PTPRH: variants seen among roughly 807,000 people sequenced by gnomAD.
The protein encoded by PTPRH is receptor-type tyrosine-protein phosphatase H.
PTPRH carries 113 observed loss-of-function variants against 130.2 expected under a neutral mutation model. The ratio of observed to expected loss-of-function variants is 0.87; its 90% CI spans 0.75 to 1.01. The LOEUF (loss-of-function observed/expected upper bound fraction) is 1.01. Ranked by LOEUF, PTPRH falls within the 50% of genes least tolerant of loss-of-function variation. The probability of loss-of-function intolerance (pLI) is 0.00; values close to 1 mark genes in which losing one functional copy is unlikely to be tolerated. For synonymous variants in PTPRH, 556 were observed against 577.9 expected (o/e 0.96, Z 0.54); for missense variants, 1,430 against 1,425.0 (o/e 1.00, Z -0.06).
At chr19:55,183,190 T>C (rs1240038313) in intron 18 of PTPRH, among the ~76,000 whole-genome samples, 1 of 137,884 alleles carries the variant, frequency 7.3e-6, no homozygotes, top group African/African-American at 2.7e-5. Context: ...GGTCAGGAGA[T>C]TGAGACCATC....
chr19:55,183,683 C>T (rs774710660), intron 18 of PTPRH, among the ~76,000 whole-genome samples: 14 of 151,818 alleles, frequency 9.2e-5, no homozygotes, highest in Non-Finnish European at 1.8e-4. Context: ...GAGATCGCAC[C>T]GTTGCACTCC....
intron 7 of PTPRH, 23 bp downstream of exon 7, chr19:55,200,213 G>T: frequency 6.2e-7 from 1 of 1,612,158 alleles, no homozygotes; most frequent in Non-Finnish European, 8.5e-7. Flanking sequence ...CCAAAACAGG[G>T]AGTGGCCGTT....
intron 10 of PTPRH, among the ~76,000 whole-genome samples, chr19:55,195,249 C>T (rs1056772151): frequency 2.6e-5 from 4 of 152,106 alleles, no homozygotes; most frequent in Admixed American, 6.6e-5. Context: ...CGCTTGAACC[C>T]GGGAGGTGGA....
chr19:55,200,084 C>G (rs1279135613), intron 7 of PTPRH, 152 bp downstream of exon 7: 1 of 908,938 alleles, frequency 1.1e-6, no homozygotes, highest in Admixed American at 2.8e-5. Flanking sequence ...AGCCAGCCCC[C>G]AGCTGTGATT....
rs771559024 is a variant in PTPRH, at chr19:55,197,182, T to C, written c.1925A>G (p.Asn642Ser). ...VEALEPGTLY[N>S]FTVWAERNDV... ...ATTCCTCTCTGCCCACACGGTGAAATTGTACAACGTCCCGGGTTCCAGGGC... is the reference window on the plus strand; with the variant it reads ...ATTCCTCTCTGCCCACACGGTGAAACTGTACAACGTCCCGGGTTCCAGGGC... The change falls in exon 9 of 20, where the codon AAT (asparagine) becomes AGT (serine). Residue 642 changes from asparagine to serine, a missense_variant. Asn to Ser is a conservative substitution (Grantham distance 46). Coordinates refer to ENST00000376350, the MANE Select transcript of PTPRH (RefSeq NM_002842.5). The C allele has an allele frequency of 1.7e-5, 27 of 1,614,114 alleles. No individual in the cohort carries two copies. The highest frequency in any genetic ancestry group is 1.9e-5 in the Non-Finnish European group (23 of 1,180,046).
intron 14 of PTPRH, 118 bp from the exon 15 acceptor site, chr19:55,186,658 T>C (rs1373673495): frequency 2.3e-6 from 1 of 436,702 alleles, no homozygotes; most frequent in Non-Finnish European, 2.9e-6. Flanking sequence ...TGGACAAAAG[T>C]CATGCCGAGA....
chr19:55,197,796 A>T (rs1352276737), intron 8 of PTPRH, among the ~76,000 whole-genome samples: 3 of 152,014 alleles, frequency 2.0e-5, no homozygotes, highest in Non-Finnish European at 4.4e-5. Flanking sequence ...TCGAGATCTG[A>T]TCTCTGTATT....
intron 9 of PTPRH, 52 bp from the exon 10 acceptor site, chr19:55,196,840 C>T (rs763896411): frequency 6.4e-7 from 1 of 1,571,770 alleles, no homozygotes; most frequent in South Asian, 1.2e-5. Flanking sequence ...GGCTTTCCAC[C>T]CCCTCCACCC....
In PTPRH at chr19:55,205,449, G is replaced by C. The variant is rs192078523; in HGVS notation, c.496C>G (p.Arg166Gly). ...GTGATGTTAGTGTGTGCTGTGCTTC[G>C]AGTCCCTGCTCTGCCACCATCTCCA... is the stretch of plus-strand genomic sequence containing the variant. ...YTGDGGRAGTRSTAHTNITVD... is the reference protein window; with the variant it reads ...YTGDGGRAGTGSTAHTNITVD... The change falls in exon 4 of 20, where the codon CGA becomes GGA. Residue 166 changes from arginine to glycine, a missense_variant. Transcript: ENST00000376350. The C allele has an allele frequency of 6.2e-7, 1 of 1,614,176 alleles. No homozygotes were observed. Among genetic ancestry groups the C allele is most frequent in the South Asian group, 1.1e-5 (1 of 91,084 alleles).
At position 55,186,324 on chromosome 19, in the gene PTPRH, C is replaced by T; in HGVS notation, c.2679G>A (p.Gln893=). 1.2e-6 allele frequency: 2 copies of T among 1,614,056 alleles called. No homozygotes were observed. Among genetic ancestry groups the T allele is most frequent in the Non-Finnish European group, 1.7e-6 (2 of 1,179,954 alleles). ...CACCCACTGTCTGTGGCAGGGGACC[C>T]TGGGTTGCAATGAACTCCTGGGGGC... ...LWSPQEFIAT[Q]GPLPQTVGDF... The change falls in exon 16 of 20, where the codon CAG becomes CAA. Residue 893 remains glutamine (Q), a synonymous_variant. Transcript: ENST00000376350.
chr19:55,186,571 G>A (rs1207852591), intron 14 of PTPRH, 31 bp from the exon 15 acceptor site: 1 of 1,608,838 alleles, frequency 6.2e-7, no homozygotes, highest in African/African-American at 1.3e-5. Context: ...TAGCCAGGCA[G>A]AGAGACCCAG....
intron 1 of PTPRH, among the ~76,000 whole-genome samples, chr19:55,207,990 C>T (rs373773544): frequency 4.5e-4 from 8 of 17,808 alleles, no homozygotes; most frequent in African/African-American, 1.4e-3. Flanking sequence ...GGGGTCTGGA[C>T]TCCTGGGTCT....
In PTPRH at chr19:55,185,769, T is replaced by G. The variant is rs562217287; in HGVS notation, c.2901+93A>C. On this transcript the variant is annotated intron_variant, in intron 17 of 19. Transcript: ENST00000376350. Reference sequence around the variant, plus strand: ...GGCACACTGCAGCTCCTCAGAGGAGTGGGTGGAAGGTTGGAGTTGGTGGAG... The same window carrying G: ...GGCACACTGCAGCTCCTCAGAGGAGGGGGTGGAAGGTTGGAGTTGGTGGAG... The G allele has an allele frequency of 1.0e-4, 162 of 1,600,484 alleles. 2 individuals are homozygous for G. In the South Asian group the frequency reaches 1.5e-3, roughly 14 times the overall value.
rs373482478 is a variant in PTPRH, at chr19:55,207,004, A to C, written c.86-49T>G. 1.4e-4 allele frequency: 217 copies of C among 1,559,506 alleles called. No homozygotes were observed. In the African/African-American group the frequency reaches 2.7e-3, roughly 20 times the overall value. ...GACAAAAAGGGAACCAGGTCAGTACAATCCCTCCCAACCCCTGAGCTCACG... is the reference window on the plus strand; with the variant it reads ...GACAAAAAGGGAACCAGGTCAGTACCATCCCTCCCAACCCCTGAGCTCACG... On this transcript the variant is annotated intron_variant, in intron 2 of 19. Transcript: ENST00000376350.
intron 6 of PTPRH, among the ~76,000 whole-genome samples, chr19:55,201,154 G>A (rs2086851378): frequency 6.6e-6 from 1 of 152,088 alleles, no homozygotes; most frequent in South Asian, 2.1e-4. Flanking sequence ...GCTGAGGTAG[G>A]GAGATTGCTT....
At chr19:55,205,712 G>C (rs1315697630) in intron 3 of PTPRH, 120 bp from the exon 4 acceptor site, 26 of 1,431,718 alleles carry the variant, frequency 1.8e-5, no homozygotes, top group Non-Finnish European at 2.4e-5. Context: ...GCACTGTCCA[G>C]TGTGGCAGCC....
chr19:55,197,307 G>A lies in PTPRH; in HGVS notation c.1800C>T (p.Val600=). The change falls in exon 9 of 20, where the codon GTC becomes GTT. Residue 600 remains valine (V), a synonymous_variant. Transcript: ENST00000376350. Reference sequence around the variant, plus strand: ...GGGGATGTCCCTTGCTGGCCCACTGGACCCAGTATACGTACAACTGAGAGT... The same window carrying A: ...GGGGATGTCCCTTGCTGGCCCACTGAACCCAGTATACGTACAACTGAGAGT... The part of the protein sequence containing the change: ...DPHSQLYVYW[V]QWASKGHPRR... The A allele has an allele frequency of 6.2e-7, 1 of 1,614,244 alleles. No individual in the cohort carries two copies. Among genetic ancestry groups the A allele is most frequent in the Non-Finnish European group, 8.5e-7 (1 of 1,180,046 alleles).
chr19:55,207,108 C>A, intron 2 of PTPRH, 58 bp downstream of exon 2: 2 of 1,607,128 alleles, frequency 1.2e-6, no homozygotes, highest in Non-Finnish European at 1.7e-6. Flanking sequence ...CAGAGGCTCA[C>A]GGCAGTTGCG....
At chr19:55,186,767 G>T (rs141361760) in intron 14 of PTPRH, among the ~76,000 whole-genome samples, 1 of 152,186 alleles carries the variant, frequency 6.6e-6, no homozygotes, top group African/African-American at 2.4e-5. Context: ...ACCCACAGCC[G>T]GGTGCAGTGA....
Sources: gnomAD v4.1 joint callset for allele counts (sites outside exome capture counted in the v4.1 genomes callset) on GRCh38, gnomAD v4.1.1 for gene constraint, MANE v1.5 for transcripts, NCBI Gene and HGNC (gene_info 2026-07-23, HGNC 2026-07-21) for gene names.